MTREX: variants seen among roughly 807,000 people sequenced by gnomAD.
MTREX encodes exosome RNA helicase MTR4.
Under a neutral mutation model 135.4 loss-of-function variants are expected in MTREX, and 76 were observed. The ratio of observed to expected loss-of-function variants is 0.56; its 90% CI spans 0.47 to 0.68. The LOEUF (loss-of-function observed/expected upper bound fraction) is 0.68, where lower values mean the gene tolerates loss of function less well. Among genes scored for constraint, MTREX ranks in the 30% least tolerant of loss-of-function variants. MTREX has a pLI of 0.00. For synonymous variants in MTREX, 404 were observed against 401.6 expected (o/e 1.01, Z -0.07); for missense variants, 920 against 1,262.1 (o/e 0.73, Z 4.11).
chr5:55,405,654 A>AT (rs1391596264), intron 22 of MTREX, 66 bp downstream of exon 22: 41 of 1,424,672 alleles, frequency 2.9e-5, no homozygotes, highest in East Asian at 4.9e-5. Context: ...ATTTTTGTTT[A>AT]TTTTTTTTGA....
chr5:55,371,771 G>A (rs2112091437), intron 16 of MTREX, among the ~76,000 whole-genome samples: 2 of 152,072 alleles, frequency 1.3e-5, no homozygotes, highest in Middle Eastern at 6.8e-3. Flanking sequence ...CATGAGAAAA[G>A]ATTAGAGAAA....
At chr5:55,375,111 G>A (rs879891622) in intron 16 of MTREX, among the ~76,000 whole-genome samples, 1 of 152,146 alleles carries the variant, frequency 6.6e-6, no homozygotes. Flanking sequence ...ATATCACAAG[G>A]CAAGTGGAGG....
chr5:55,322,320 T>G lies in MTREX; in HGVS notation c.135-7T>G. ...GCAGAATTCATTCCAAACTATTTAC[T>G]TTTCAGGAAACGTTTTGATGGTAAA... On this transcript the variant is annotated splice_region_variant and splice_polypyrimidine_tract_variant and intron_variant, in intron 1 of 26. Coordinates refer to ENST00000230640, the MANE Select transcript of MTREX (RefSeq NM_015360.5). The G allele has an allele frequency of 3.1e-6, 5 of 1,594,358 alleles. No individual in the cohort carries two copies. Among genetic ancestry groups the G allele is most frequent in the Non-Finnish European group, 4.3e-6 (5 of 1,172,872 alleles).
In MTREX at chr5:55,424,890, T is replaced by TA; in HGVS notation, c.*121dup. ...CATACATTTTAATATGTATTATATT[T>TA]AAATCAAACATCATTCATAGAAAGC... On this transcript the variant is annotated 3_prime_UTR_variant, in exon 27 of 27. Transcript: ENST00000230640. 1.4e-6 allele frequency: 1 copy of TA among 704,244 alleles called. No individual in the cohort carries two copies. The highest frequency in any genetic ancestry group is 2.4e-6 in the Non-Finnish European group (1 of 414,584). 43.6% of individuals were successfully genotyped at this position (704,244 alleles called of 1,614,324 possible).
chr5:55,367,459 G>A (rs954019087), intron 16 of MTREX, among the ~76,000 whole-genome samples: 1 of 149,590 alleles, frequency 6.7e-6, no homozygotes, highest in Non-Finnish European at 1.5e-5. Flanking sequence ...GCACTCCAGC[G>A]TGGTGACAAA....
At chr5:55,342,529 G>T (rs1361048943) in intron 7 of MTREX, among the ~76,000 whole-genome samples, 1 of 152,170 alleles carries the variant, frequency 6.6e-6, no homozygotes, top group Non-Finnish European at 1.5e-5. Flanking sequence ...CCTTACTTAG[G>T]CTGTTACGCT....
At chr5:55,381,720 C>T (rs1358226702) in intron 18 of MTREX, among the ~76,000 whole-genome samples, 1 of 152,152 alleles carries the variant, frequency 6.6e-6, no homozygotes, top group Non-Finnish European at 1.5e-5. Context: ...GTGTATTCTG[C>T]TGCTTTAAGG....
chr5:55,372,798 T>A (rs1319840778), intron 16 of MTREX, among the ~76,000 whole-genome samples: 1 of 152,048 alleles, frequency 6.6e-6, no homozygotes, highest in Non-Finnish European at 1.5e-5. Flanking sequence ...TTTACGTAAT[T>A]TTGGATTTGG....
intron 1 of MTREX, among the ~76,000 whole-genome samples, chr5:55,312,022 A>G (rs1016802455): frequency 1.3e-5 from 2 of 152,276 alleles, no homozygotes; most frequent in Middle Eastern, 3.4e-3. Context: ...CTACTGTTCT[A>G]AGATTGACAA....
rs1750154267 is a variant in MTREX, at chr5:55,369,118, TTA to T, written c.1810+2245_1810+2246del. On this transcript the variant is annotated intron_variant, in intron 16 of 26. Transcript: ENST00000230640. ...CCAAAAATTGTATTAATAATAAATT[TTA>T]TTTTATTTTATTAAAAATAAAAATA... Among the ~76,000 whole-genome samples, 7 of 151,724 alleles carry T rather than the reference TTA, an allele frequency of 4.6e-5. No homozygotes were observed. In the South Asian group the frequency reaches 1.5e-3, roughly 31 times the overall value.
intron 18 of MTREX, among the ~76,000 whole-genome samples, chr5:55,382,017 T>G (rs1404984680): frequency 6.6e-6 from 1 of 152,194 alleles, no homozygotes; most frequent in Non-Finnish European, 1.5e-5. Flanking sequence ...CATTTTTAAA[T>G]TTTCAGTCTT....
chr5:55,388,393 A>T (rs1750515644), intron 19 of MTREX, among the ~76,000 whole-genome samples: 1 of 152,160 alleles, frequency 6.6e-6, no homozygotes, highest in African/African-American at 2.4e-5. Flanking sequence ...TGCCAGGGCC[A>T]TAAAGATTTT....
intron 18 of MTREX, 62 bp from the exon 19 acceptor site, chr5:55,387,912 A>G: frequency 6.7e-7 from 1 of 1,497,450 alleles, no homozygotes; most frequent in Non-Finnish European, 9.0e-7. Context: ...ATACAGATGG[A>G]ACTTAAAATT....
intron 16 of MTREX, among the ~76,000 whole-genome samples, chr5:55,368,978 TA>T (rs1208230577): frequency 6.6e-6 from 1 of 152,116 alleles, no homozygotes; most frequent in Non-Finnish European, 1.5e-5. Flanking sequence ...TTGTAAAAGT[TA>T]TTAATAATGC....
At chr5:55,424,051 A>G (rs1355508909) in intron 26 of MTREX, 1 of 152,198 alleles carries the variant, frequency 6.6e-6, no homozygotes, top group African/African-American at 2.4e-5. Flanking sequence ...GTGTCTTCTG[A>G]TATAGGTTGA....
intron 1 of MTREX, among the ~76,000 whole-genome samples, chr5:55,317,911 G>A (rs1466310749): frequency 1.3e-5 from 2 of 151,996 alleles, no homozygotes; most frequent in Admixed American, 1.3e-4. Context: ...CATTTATAAG[G>A]AACTTAAATT....
At chr5:55,322,650 A>G (rs1045771025) in intron 2 of MTREX, among the ~76,000 whole-genome samples, 186 bp downstream of exon 2, 2 of 152,238 alleles carry the variant, frequency 1.3e-5, no homozygotes, top group African/African-American at 4.8e-5. Context: ...TTGGAAAGCA[A>G]TATGGAAAAT....
At chr5:55,399,637 A>G (rs532905196) in intron 20 of MTREX, among the ~76,000 whole-genome samples, 8 of 152,034 alleles carry the variant, frequency 5.3e-5, no homozygotes, top group Non-Finnish European at 8.8e-5. Flanking sequence ...ACAGGCGCCC[A>G]CCACCACGCC....
At chr5:55,422,263 T>G (rs868568885) in intron 25 of MTREX, among the ~76,000 whole-genome samples, 1 of 152,182 alleles carries the variant, frequency 6.6e-6, no homozygotes, top group Non-Finnish European at 1.5e-5. Context: ...CTCAAACAGA[T>G]TCTAGACCCA....
Sources: gnomAD v4.1 joint callset for allele counts (sites outside exome capture counted in the v4.1 genomes callset) on GRCh38, gnomAD v4.1.1 for gene constraint, MANE v1.5 for transcripts, NCBI Gene and HGNC (gene_info 2026-07-23, HGNC 2026-07-21) for gene names.